ACVR1C: variants seen among roughly 807,000 people sequenced by gnomAD.
ACVR1C encodes the protein activin A receptor type 1C, also known as activin receptor type-1C.
A neutral mutation model predicts 57.9 loss-of-function variants in ACVR1C; 23 were observed. The ratio of observed to expected loss-of-function variants is 0.40; its 90% CI spans 0.29 to 0.56. ACVR1C has a LOEUF of 0.56. ACVR1C is among the 20% of genes least tolerant of loss of function. The pLI is 0.50. For synonymous variants in ACVR1C, 214 were observed against 215.3 expected (o/e 0.99, Z 0.05); for missense variants, 480 against 607.9 (o/e 0.79, Z 2.21).
At chr2:157,621,070 G>A (rs533145541) in intron 1 of ACVR1C, among the ~76,000 whole-genome samples, 3 of 152,262 alleles carry the variant, frequency 2.0e-5, no homozygotes, top group South Asian at 4.2e-4. Context: ...GGATGTTTAA[G>A]TCATTGGCAA....
chr2:157,537,071 A>G (rs765375507), intron 8 of ACVR1C, among the ~76,000 whole-genome samples: 9 of 152,174 alleles, frequency 5.9e-5, no homozygotes, highest in Non-Finnish European at 1.2e-4. Flanking sequence ...TATATAATGG[A>G]GAGTAAAAAC....
chr2:157,626,293 C>T (rs1055266045), intron 1 of ACVR1C, among the ~76,000 whole-genome samples: 2 of 152,150 alleles, frequency 1.3e-5, no homozygotes, highest in African/African-American at 4.8e-5. Context: ...AATTCCAGTC[C>T]AGACCAATAA....
intron 2 of ACVR1C, among the ~76,000 whole-genome samples, chr2:157,574,790 T>C (rs997195060): frequency 6.6e-6 from 1 of 152,188 alleles, no homozygotes; most frequent in Non-Finnish European, 1.5e-5. Context: ...AGTCCAATAG[T>C]AGCAGGATGG....
chr2:157,612,993 G>T (rs868409451), intron 1 of ACVR1C, among the ~76,000 whole-genome samples: 1 of 152,186 alleles, frequency 6.6e-6, no homozygotes, highest in African/African-American at 2.4e-5. Context: ...TAATGTTCCC[G>T]CAGAGTCTCT....
At chr2:157,620,668 A>G (rs1485207870) in intron 1 of ACVR1C, among the ~76,000 whole-genome samples, 3 of 152,146 alleles carry the variant, frequency 2.0e-5, no homozygotes, top group African/African-American at 7.2e-5. Flanking sequence ...TGATGTTTTG[A>G]TACATGTATA....
At chr2:157,567,949 T>G (rs1688436031) in intron 2 of ACVR1C, among the ~76,000 whole-genome samples, 6 of 76,114 alleles carry the variant, frequency 7.9e-5, no homozygotes, top group Non-Finnish European at 1.0e-4. Context: ...GGAAAAAATG[T>G]TAAGGGCAGC....
chr2:157,557,554 T>G (rs1326240081), intron 2 of ACVR1C, among the ~76,000 whole-genome samples: 1 of 152,096 alleles, frequency 6.6e-6, no homozygotes, highest in Non-Finnish European at 1.5e-5. Flanking sequence ...GACATAAGCT[T>G]CGGGAGAGGA....
At chr2:157,621,329 A>T (rs1230903805) in intron 1 of ACVR1C, among the ~76,000 whole-genome samples, 1 of 152,172 alleles carries the variant, frequency 6.6e-6, no homozygotes, top group Non-Finnish European at 1.5e-5. Flanking sequence ...TTCAAGGGGC[A>T]CATCATGAGG....
chr2:157,622,328 A>C (rs1682797891), intron 1 of ACVR1C, among the ~76,000 whole-genome samples: 1 of 152,214 alleles, frequency 6.6e-6, no homozygotes, highest in African/African-American at 2.4e-5. Context: ...GGAAAAAAGG[A>C]CAAAACTGGA....
intron 1 of ACVR1C, among the ~76,000 whole-genome samples, chr2:157,626,213 C>G (rs1707760888): frequency 6.6e-6 from 1 of 152,220 alleles, no homozygotes; most frequent in African/African-American, 2.4e-5. Flanking sequence ...AAGCAATCCT[C>G]ACACCTCGGC....
intron 1 of ACVR1C, among the ~76,000 whole-genome samples, chr2:157,600,364 G>A (rs142679647): frequency 1.3e-5 from 2 of 152,150 alleles, no homozygotes; most frequent in East Asian, 1.9e-4. Flanking sequence ...AAAAATTAAC[G>A]ACAAAAAACA....
intron 2 of ACVR1C, among the ~76,000 whole-genome samples, chr2:157,572,723 T>C (rs1380484728): frequency 2.0e-5 from 3 of 152,174 alleles, no homozygotes; most frequent in African/African-American, 7.2e-5. Context: ...AAGAAATGCC[T>C]CCTATATTAA....
At chr2:157,552,666 A>G (rs951571277) in intron 3 of ACVR1C, among the ~76,000 whole-genome samples, 1 of 152,230 alleles carries the variant, frequency 6.6e-6, no homozygotes, top group African/African-American at 2.4e-5. Context: ...TCAAACTGCA[A>G]ATTAATCAAG....
chr2:157,588,848 CATATATATATATAT>C (rs71402394), intron 1 of ACVR1C, among the ~76,000 whole-genome samples: 17 of 89,090 alleles, frequency 1.9e-4, no homozygotes, highest in South Asian at 1.2e-3. Context: ...ACAAACACAC[CATATATATATATAT>C]ATATATATAT....
chr2:157,564,552 C>A (rs1688315215), intron 2 of ACVR1C, among the ~76,000 whole-genome samples: 1 of 152,166 alleles, frequency 6.6e-6, no homozygotes, highest in Admixed American at 6.5e-5. Context: ...TGTGGCAATT[C>A]CTCAAGGATC....
chr2:157,566,150 A>G (rs1481674113), intron 2 of ACVR1C, among the ~76,000 whole-genome samples: 1 of 152,238 alleles, frequency 6.6e-6, no homozygotes, highest in African/African-American at 2.4e-5. Flanking sequence ...GTAATTATTC[A>G]AGAAATATTT....
At chr2:157,563,648 TG>T (rs1336652360) in intron 2 of ACVR1C, among the ~76,000 whole-genome samples, 3 of 152,120 alleles carry the variant, frequency 2.0e-5, no homozygotes, top group African/African-American at 7.2e-5. Flanking sequence ...AAAAAGAGCC[TG>T]TATAGCCAAG....
At chr2:157,615,199 G>A (rs543405184) in intron 1 of ACVR1C, among the ~76,000 whole-genome samples, 1 of 151,640 alleles carries the variant, frequency 6.6e-6, no homozygotes, top group South Asian at 2.1e-4. Context: ...GGGCACAGTG[G>A]TTCATGCCTA....
intron 8 of ACVR1C, among the ~76,000 whole-genome samples, chr2:157,537,817 A>C (rs1466595695): frequency 6.6e-6 from 1 of 152,152 alleles, no homozygotes; most frequent in Non-Finnish European, 1.5e-5. Flanking sequence ...AGCTAGAAAA[A>C]ATCTCTATCT....
Sources: allele counts gnomAD v4.1 joint callset (sites outside exome capture counted in the v4.1 genomes callset), GRCh38; gene constraint gnomAD v4.1.1; transcripts MANE v1.5; gene names NCBI Gene and HGNC (gene_info 2026-07-23, HGNC 2026-07-21).